Variants in FRMPD4 observed in about 807,000 individuals in gnomAD.
The protein encoded by FRMPD4 is FERM and PDZ domain-containing protein 4.
A neutral mutation model predicts 94.1 loss-of-function variants in FRMPD4; 22 were observed. That is an observed-to-expected ratio of 0.23 (90% CI 0.17 to 0.33). The LOEUF (loss-of-function observed/expected upper bound fraction) is 0.33. Among genes scored for constraint, FRMPD4 ranks in the 10% least tolerant of loss-of-function variants. The pLI is 1.00. For synonymous variants in FRMPD4, 631 were observed against 548.6 expected (o/e 1.15, Z -2.10); for missense variants, 1,111 against 1,339.9 (o/e 0.83, Z 2.67).
chrX:12,699,360 G>A (rs2060164730), intron 9 of FRMPD4, among the ~76,000 whole-genome samples: 1 of 112,478 alleles, frequency 8.9e-6, no homozygotes, highest in Admixed American at 9.3e-5. Flanking sequence ...ATCCAAATAG[G>A]TTTAAGATTT....
intron 3 of FRMPD4, among the ~76,000 whole-genome samples, chrX:12,060,477 T>A (rs962807902): frequency 4.6e-5 from 5 of 109,655 alleles, no homozygotes; most frequent in African/African-American, 1.7e-4. Flanking sequence ...TTTTAAATAA[T>A]GATTCCAATA....
At chrX:11,848,870 G>A (rs182257850) in intron 1 of FRMPD4, among the ~76,000 whole-genome samples, 3 of 111,750 alleles carry the variant, frequency 2.7e-5, no homozygotes, top group East Asian at 2.8e-4. Context: ...GTGAAAGACC[G>A]AAAGCTTTTC....
chrX:12,566,458 A>G (rs919398667), intron 2 of FRMPD4, among the ~76,000 whole-genome samples: 23 of 111,821 alleles, frequency 2.1e-4, no homozygotes, highest in African/African-American at 7.5e-4. Context: ...TAATATGCTT[A>G]CATTTCTCTT....
At chrX:12,304,872 T>C (rs1440184558) in intron 1 of FRMPD4, among the ~76,000 whole-genome samples, 1 of 112,336 alleles carries the variant, frequency 8.9e-6, no homozygotes, top group Non-Finnish European at 1.9e-5. Context: ...TAGAACAATA[T>C]GCCATAGAGA....
chrX:12,280,352 G>A (rs1394960413), intron 1 of FRMPD4, among the ~76,000 whole-genome samples: 2 of 110,098 alleles, frequency 1.8e-5, no homozygotes, highest in Non-Finnish European at 3.8e-5. Context: ...AATCAGAGGT[G>A]GCTCCTGGTT....
At chrX:12,431,078 C>T (rs186816549) in intron 1 of FRMPD4, among the ~76,000 whole-genome samples, 1 of 112,676 alleles carries the variant, frequency 8.9e-6, no homozygotes, top group African/African-American at 3.2e-5. Context: ...AGGAACGTAT[C>T]TTCAACCATT....
At chrX:12,367,283 G>A (rs188904840) in intron 1 of FRMPD4, among the ~76,000 whole-genome samples, 259 of 111,385 alleles carry the variant, frequency 2.3e-3, no homozygotes, top group African/African-American at 6.6e-3. Context: ...TTTCTATCCA[G>A]CTGGACCACC....
At chrX:12,367,320 C>CG (rs1569248388) in intron 1 of FRMPD4, among the ~76,000 whole-genome samples, 1 of 112,289 alleles carries the variant, frequency 8.9e-6, no homozygotes, top group Non-Finnish European at 1.9e-5. Context: ...TGCCCCTTCC[C>CG]GATCCCATTC....
At chrX:12,547,550 A>G (rs2058491679) in intron 2 of FRMPD4, among the ~76,000 whole-genome samples, 1 of 112,652 alleles carries the variant, frequency 8.9e-6, no homozygotes, top group Non-Finnish European at 1.9e-5. Flanking sequence ...TCTTATTCCC[A>G]TACATACTGT....
At chrX:12,050,354 A>G (rs925317702) in intron 3 of FRMPD4, among the ~76,000 whole-genome samples, 5 of 111,883 alleles carry the variant, frequency 4.5e-5, no homozygotes, top group African/African-American at 1.3e-4. Context: ...TTGTGCTGCA[A>G]TTGCCTACAT....
chrX:11,887,479 C>G (rs1398015518), intron 3 of FRMPD4, among the ~76,000 whole-genome samples: 2 of 112,239 alleles, frequency 1.8e-5, no homozygotes, highest in Non-Finnish European at 3.8e-5. Flanking sequence ...TAAAACTTCC[C>G]TCCATCCTCT....
intron 1 of FRMPD4, among the ~76,000 whole-genome samples, chrX:12,248,936 G>A (rs1240220969): frequency 8.9e-6 from 1 of 112,496 alleles, no homozygotes; most frequent in African/African-American, 3.2e-5. Context: ...CTACTCCGGA[G>A]ACTGAGGCAG....
At position 12,528,675 on chromosome X, in the gene FRMPD4, C is replaced by G. The variant is rs149040900; in HGVS notation, c.158+29879C>G. The stretch of plus-strand genomic sequence containing the variant: ...AGTTGCAAAGCCTCCATGGCCTGAC[C>G]CAGCCTGCACTGGGCTCCTCATATT... On this transcript the variant is annotated intron_variant, in intron 2 of 16. Coordinates refer to ENST00000675598, the MANE Select transcript of FRMPD4 (RefSeq NM_001368397.1). Among the ~76,000 whole-genome samples the G allele has an allele frequency of 4.7e-3, 529 of 111,386 alleles. 6 individuals carry two copies. The highest frequency in any genetic ancestry group is 0.016 in the African/African-American group (504 of 30,626).
intron 1 of FRMPD4, among the ~76,000 whole-genome samples, chrX:12,402,438 C>A: frequency 9.0e-6 from 1 of 111,327 alleles, no homozygotes; most frequent in Non-Finnish European, 1.9e-5. Flanking sequence ...GAGGACTTCC[C>A]TACCTCAGTA....
intron 1 of FRMPD4, among the ~76,000 whole-genome samples, chrX:12,463,681 GTTTTTTT>G (rs764684007): frequency 3.9e-5 from 2 of 51,039 alleles, no homozygotes; most frequent in African/African-American, 1.7e-4. Flanking sequence ...CTATGTGTGT[GTTTTTTT>G]TTTGTTTTTG....
At chrX:12,419,552 A>G (rs749153887) in intron 1 of FRMPD4, among the ~76,000 whole-genome samples, 1 of 111,977 alleles carries the variant, frequency 8.9e-6, no homozygotes, top group Non-Finnish European at 1.9e-5. Flanking sequence ...AACATGCACA[A>G]AAACTCTTCG....
At chrX:12,067,803 T>G (rs1410359710) in intron 3 of FRMPD4, among the ~76,000 whole-genome samples, 1 of 112,323 alleles carries the variant, frequency 8.9e-6, no homozygotes, top group East Asian at 2.8e-4. Flanking sequence ...ATCTGATTAC[T>G]CAGTATAGTA....
At chrX:11,980,581 C>T (rs1249898495) in intron 3 of FRMPD4, among the ~76,000 whole-genome samples, 1 of 111,089 alleles carries the variant, frequency 9.0e-6, no homozygotes, top group Non-Finnish European at 1.9e-5. Flanking sequence ...TGTGAATTTC[C>T]TTCTAAATAC....
intron 2 of FRMPD4, among the ~76,000 whole-genome samples, chrX:12,512,361 C>T (rs192129750): frequency 1.1e-4 from 12 of 111,984 alleles, no homozygotes; most frequent in Admixed American, 3.8e-4. Flanking sequence ...TTTATCCTGA[C>T]GCTCTCCCTC....
Sources: gnomAD v4.1 joint callset for allele counts (sites outside exome capture counted in the v4.1 genomes callset) on GRCh38, gnomAD v4.1.1 for gene constraint, MANE v1.5 for transcripts, NCBI Gene and HGNC (gene_info 2026-07-23, HGNC 2026-07-21) for gene names.